PHF11: variants seen among roughly 807,000 people sequenced by gnomAD.
The protein encoded by PHF11 is PHD finger protein 11, also known as BRCA1 C-terminus-associated protein.
In PHF11, 38 loss-of-function variants were observed where a neutral mutation model predicts 40.5. The observed-to-expected ratio is 0.94, with a 90% CI of 0.72 to 1.23. PHF11 has a LOEUF of 1.23. Among genes scored for constraint, PHF11 ranks in the 50% most tolerant of loss-of-function variants. The pLI is 0.00. For synonymous variants in PHF11, 127 were observed against 138.2 expected, an observed-to-expected ratio of 0.92 and a Z score of 0.57; for missense variants, 369 against 392.4, an observed-to-expected ratio of 0.94 and a Z score of 0.50.
At chr13:49,525,392 CAT>C (rs747491335) in intron 8 of PHF11, among the ~76,000 whole-genome samples, 6 of 152,138 alleles carry the variant, frequency 3.9e-5, no homozygotes, top group Non-Finnish European at 8.8e-5. Flanking sequence ...AGATTACAGA[CAT>C]GTGCCAACAC....
Position 49,523,936 on chromosome 13 carries a change from T to TACCACAGAG in PHF11, c.638-148_638-147insCCACAGAGA, listed in dbSNP as rs1594223442. 1.3e-5 allele frequency: 6 copies of TACCACAGAG among 459,640 alleles called. No homozygotes were observed. The East Asian group carries it at 2.2e-4, about 17-fold the overall frequency. 28.5% of individuals were successfully genotyped at this position (459,640 alleles called of 1,614,324 possible). On this transcript the variant is annotated intron_variant, in intron 7 of 9. Coordinates refer to ENST00000378319, the MANE Select transcript of PHF11 (RefSeq NM_001040443.3). ...CAAAAAAAATGAGGTATGATGAAAT[T>TACCACAGAG]ATAATTAATAAAAAGGGTGAAGGTG...
Position 49,506,617 on chromosome 13 carries a change from C to T in PHF11, c.95-18C>T, listed in dbSNP as rs1958994137. On this transcript the variant is annotated intron_variant, in intron 1 of 9. Coordinates refer to ENST00000378319, the MANE Select transcript of PHF11 (RefSeq NM_001040443.3). ...GAAATTCCACTTTTCCATTTCTCAC[C>T]AGGGATATTACTTATAGGTGTCTTT... 1 of 1,611,848 alleles carries T rather than the reference C, an allele frequency of 6.2e-7. No homozygotes were observed. The highest frequency in any genetic ancestry group is 2.2e-5 in the East Asian group (1 of 44,836).
chr13:49,505,386 T>C (rs771617107), intron 1 of PHF11, among the ~76,000 whole-genome samples: 1 of 152,112 alleles, frequency 6.6e-6, no homozygotes, highest in Non-Finnish European at 1.5e-5. Context: ...GCCTTCTGAC[T>C]TGGTGAAATG....
Position 49,513,927 on chromosome 13 carries a change from G to A in PHF11, c.324+761G>A, listed in dbSNP as rs571117084. Among the ~76,000 whole-genome samples, 3 of 152,232 alleles carry A rather than the reference G, an allele frequency of 2.0e-5. No individual in the cohort carries two copies. The East Asian group carries it at 5.8e-4, about 29-fold the overall frequency. The stretch of plus-strand genomic sequence containing the variant: ...AGCAACTGAAGCATCAGGCTTTCTT[G>A]TTCATACCCAGTGAAAGACAAAGGT... On this transcript the variant is annotated intron_variant, in intron 3 of 9. Coordinates refer to ENST00000378319, the MANE Select transcript of PHF11 (RefSeq NM_001040443.3).
Position 49,528,695 on chromosome 13 carries a change from G to A in PHF11, c.*30G>A, listed in dbSNP as rs781195496. The stretch of plus-strand genomic sequence containing the variant: ...TACCGTTTCCTAAGCCAAGAGTCAT[G>A]TCAAATTGCAATCAGGCTCAAAACC... On this transcript the variant is annotated 3_prime_UTR_variant, in exon 10 of 10. Coordinates refer to ENST00000378319, the MANE Select transcript of PHF11 (RefSeq NM_001040443.3). The A allele has an allele frequency of 2.6e-6, 4 of 1,527,318 alleles. No individual in the cohort carries two copies. The highest frequency in any genetic ancestry group is 3.6e-6 in the Non-Finnish European group (4 of 1,124,906). 94.6% of individuals were successfully genotyped at this position (1,527,318 alleles called of 1,614,324 possible). A position where few individuals can be genotyped will look rare whatever the true frequency, so the allele number is the denominator to read the frequency against.
Position 49,520,863 on chromosome 13 carries a change from T to C in PHF11, c.459-31T>C, listed in dbSNP as rs765662799. On this transcript the variant is annotated intron_variant, in intron 4 of 9. Coordinates refer to ENST00000378319, the MANE Select transcript of PHF11 (RefSeq NM_001040443.3). ...TATTTGAAACCTGTAAATAAAAATA[T>C]TTTACAATTCTTTGAAATTAAATAT... 1.6e-5 allele frequency: 23 copies of C among 1,435,568 alleles called. No homozygotes were observed. In the South Asian group the frequency reaches 2.8e-4, roughly 17 times the overall value. 88.9% of individuals were successfully genotyped at this position (1,435,568 alleles called of 1,614,324 possible).
At chr13:49,509,309 T>C (rs1357509683) in intron 2 of PHF11, among the ~76,000 whole-genome samples, 1 of 151,524 alleles carries the variant, frequency 6.6e-6, no homozygotes, top group Non-Finnish European at 1.5e-5. Flanking sequence ...ACTTCCCAGG[T>C]TCAAGCGATT....
At chr13:49,507,395 C>T (rs2139042896) in intron 2 of PHF11, among the ~76,000 whole-genome samples, 1 of 152,278 alleles carries the variant, frequency 6.6e-6, no homozygotes. Flanking sequence ...TTACCATTAA[C>T]TGTTCTGTGA....
intron 9 of PHF11, among the ~76,000 whole-genome samples, chr13:49,527,983 G>A (rs920937199): frequency 5.3e-5 from 8 of 152,134 alleles, no homozygotes; most frequent in Admixed American, 2.0e-4. Flanking sequence ...CATTGCCATT[G>A]ACTACTATTT....
At chr13:49,510,582 A>G (rs1189397071) in intron 2 of PHF11, among the ~76,000 whole-genome samples, 1 of 152,046 alleles carries the variant, frequency 6.6e-6, no homozygotes, top group Non-Finnish European at 1.5e-5. Flanking sequence ...GGCTTAAGCA[A>G]TTCTCCCACC....
chr13:49,515,491 CACACACACACACA>C (rs1959140328), intron 3 of PHF11, among the ~76,000 whole-genome samples: 1 of 133,836 alleles, frequency 7.5e-6, no homozygotes, highest in African/African-American at 3.3e-5. Context: ...CACACACACA[CACACACACACACA>C]TTCTCCATCT....
intron 5 of PHF11, chr13:49,521,531 A>G (rs184487297): frequency 2.8e-4 from 270 of 976,496 alleles, no homozygotes; most frequent in Non-Finnish European, 3.2e-4. Context: ...GCACCTCTAC[A>G]ATCATTTTTC....
At chr13:49,506,260 G>A (rs1261569467) in intron 1 of PHF11, among the ~76,000 whole-genome samples, 1 of 151,566 alleles carries the variant, frequency 6.6e-6, no homozygotes, top group Non-Finnish European at 1.5e-5. Context: ...AAATTAGCTG[G>A]CTTTGGTGGC....
At chr13:49,518,430 G>A (rs1446310057) in intron 4 of PHF11, 1 of 173,510 alleles carries the variant, frequency 5.8e-6, no homozygotes, top group Non-Finnish European at 1.2e-5. Context: ...TGTTACATTC[G>A]TAAGATGATT....
intron 3 of PHF11, 33 bp downstream of exon 3, chr13:49,513,199 A>T: frequency 3.0e-6 from 3 of 1,004,340 alleles, no homozygotes; most frequent in Non-Finnish European, 4.7e-6. Flanking sequence ...CTTATACTGG[A>T]TGAACAGACC....
intron 1 of PHF11, among the ~76,000 whole-genome samples, chr13:49,498,704 A>G (rs74723922): frequency 1.1e-3 from 166 of 152,360 alleles, no homozygotes; most frequent in African/African-American, 3.8e-3. Flanking sequence ...CAGTGGGATC[A>G]TGACAGGGAA....
intron 5 of PHF11, chr13:49,521,399 C>A (rs1316426654): frequency 2.0e-6 from 2 of 987,586 alleles, no homozygotes; most frequent in Non-Finnish European, 2.4e-6. Context: ...ATGAGTGGAA[C>A]AGCAGTGTCT....
intron 2 of PHF11, among the ~76,000 whole-genome samples, chr13:49,510,920 A>G (rs1015302523): frequency 2.6e-5 from 4 of 152,232 alleles, no homozygotes; most frequent in African/African-American, 9.6e-5. Context: ...GACCCATGCA[A>G]CCACTACCAC....
intron 8 of PHF11, among the ~76,000 whole-genome samples, 156 bp downstream of exon 8, chr13:49,524,372 T>C (rs1959214030): frequency 1.3e-5 from 2 of 152,204 alleles, no homozygotes. Flanking sequence ...TATTTCACTT[T>C]TTGGTTTTGC....
Sources: gnomAD v4.1 joint callset for allele counts (sites outside exome capture counted in the v4.1 genomes callset) on GRCh38, gnomAD v4.1.1 for gene constraint, MANE v1.5 for transcripts, NCBI Gene and HGNC (gene_info 2026-07-23, HGNC 2026-07-21) for gene names.